MEI4: variants seen among roughly 807,000 people sequenced by gnomAD.
MEI4 encodes the protein meiotic double-stranded break formation protein 4.
A neutral mutation model predicts 31.4 loss-of-function variants in MEI4; 27 were observed. The observed-to-expected ratio is 0.86, with a 90% confidence interval of 0.63 to 1.19. The LOEUF (loss-of-function observed/expected upper bound fraction) is 1.19, where lower values mean the gene tolerates loss of function less well. MEI4 is among the 50% of genes most tolerant of loss of function. The probability of loss-of-function intolerance (pLI) is 0.00; values close to 1 mark genes in which losing one functional copy is unlikely to be tolerated. For missense variants in MEI4, 329 were observed against 398.9 expected, an observed-to-expected ratio of 0.82 and a Z score of 1.49; for synonymous variants, 122 against 145.4, an observed-to-expected ratio of 0.84 and a Z score of 1.16.
chr6:77,749,153 A>C (rs1341965332), intron 2 of MEI4, among the ~76,000 whole-genome samples: 1 of 152,194 alleles, frequency 6.6e-6, no homozygotes, highest in Non-Finnish European at 1.5e-5. Flanking sequence ...TAAATCCATA[A>C]AGATGGGGAG....
intron 2 of MEI4, among the ~76,000 whole-genome samples, chr6:77,741,882 T>G (rs1275525388): frequency 6.6e-6 from 1 of 150,746 alleles, no homozygotes; most frequent in Non-Finnish European, 1.5e-5. Flanking sequence ...TGGTTTTTTG[T>G]CCTTGTGACA....
chr6:77,925,304 G>A lies in MEI4; in HGVS notation c.*1958G>A, dbSNP rs1374560843. ...GGGATCACTGTGAATGCACAAAATG[G>A]AGAAACATTTTATTTCCATTTGGTA... On this transcript the variant is annotated 3_prime_UTR_variant, in exon 5 of 5. Coordinates refer to ENST00000684080, the MANE Select transcript of MEI4 (RefSeq NM_001322247.2). 6.6e-6 allele frequency: 1 copy of A among 151,228 alleles called. No individual in the cohort carries two copies. Among genetic ancestry groups the A allele is most frequent in the Non-Finnish European group, 1.5e-5 (1 of 67,444 alleles). 9.4% of individuals were successfully genotyped at this position (151,228 alleles called of 1,614,324 possible). A position where few individuals can be genotyped will look rare whatever the true frequency, so the allele number is the denominator to read the frequency against.
intron 4 of MEI4, among the ~76,000 whole-genome samples, chr6:77,895,201 A>G (rs1009463451): frequency 2.0e-5 from 3 of 152,138 alleles, no homozygotes; most frequent in Non-Finnish European, 4.4e-5. Flanking sequence ...ATGGATTCCA[A>G]CACACTCTTT....
At chr6:77,857,901 C>T (rs935175628) in intron 4 of MEI4, among the ~76,000 whole-genome samples, 1 of 152,232 alleles carries the variant, frequency 6.6e-6, no homozygotes, top group Non-Finnish European at 1.5e-5. Context: ...GTTCAAGTCA[C>T]TTCTGATCAG....
At chr6:77,661,837 C>T (rs1248921941) in intron 1 of MEI4, among the ~76,000 whole-genome samples, 3 of 151,870 alleles carry the variant, frequency 2.0e-5, no homozygotes, top group Admixed American at 6.6e-5. Flanking sequence ...TGGGAGTGAC[C>T]AAAGTGAAGG....
chr6:77,730,457 T>G (rs549181208), intron 2 of MEI4, among the ~76,000 whole-genome samples: 216 of 152,180 alleles, frequency 1.4e-3, no homozygotes, highest in Middle Eastern at 0.01. Flanking sequence ...ATACTGCAAG[T>G]TTTTGACCCT....
Position 77,775,638 on chromosome 6 carries a change from T to C in MEI4, c.768+13973T>C, listed in dbSNP as rs117460666. On this transcript the variant is annotated intron_variant, in intron 3 of 4. Transcript: ENST00000684080. ...TATTTGCAATTGCAAGTTGTGCTTC[T>C]ATAAACATGCATGTGTAAGTATTTT... Among the ~76,000 whole-genome samples, 1,490 of 152,306 alleles carry C rather than the reference T, an allele frequency of 9.8e-3. 13 individuals are homozygous for C. Among genetic ancestry groups the C allele is most frequent in the Middle Eastern group, 0.037 (11 of 294 alleles).
At chr6:77,844,843 G>A (rs905350105) in intron 4 of MEI4, among the ~76,000 whole-genome samples, 1 of 152,092 alleles carries the variant, frequency 6.6e-6, no homozygotes, top group Non-Finnish European at 1.5e-5. Context: ...GAAAAATGAT[G>A]CAGTAGAGAT....
chr6:77,674,777 T>A (rs1424555101), intron 1 of MEI4, among the ~76,000 whole-genome samples: 1 of 152,202 alleles, frequency 6.6e-6, no homozygotes, highest in African/African-American at 2.4e-5. Flanking sequence ...ACAGAACAAA[T>A]TTCTCCTTTT....
chr6:77,844,547 T>C (rs1357096301), intron 4 of MEI4, among the ~76,000 whole-genome samples: 1 of 152,204 alleles, frequency 6.6e-6, no homozygotes. Context: ...TTCAAAAGTT[T>C]TTATTGCAAA....
chr6:77,899,861 G>T (rs558525147), intron 4 of MEI4, among the ~76,000 whole-genome samples: 119 of 151,918 alleles, frequency 7.8e-4, no homozygotes, highest in African/African-American at 2.8e-3. Context: ...TGTGAATACT[G>T]CCGTAGTAAA....
intron 3 of MEI4, among the ~76,000 whole-genome samples, chr6:77,767,295 G>A (rs368838420): frequency 3.3e-5 from 5 of 151,996 alleles, no homozygotes; most frequent in African/African-American, 9.7e-5. Flanking sequence ...CAGGAGAATC[G>A]CTTGAACCCG....
intron 4 of MEI4, among the ~76,000 whole-genome samples, chr6:77,859,366 C>T (rs1471923024): frequency 1.3e-5 from 2 of 151,874 alleles, no homozygotes; most frequent in Non-Finnish European, 2.9e-5. Context: ...GATTTATATC[C>T]CTTTGAGTAA....
intron 4 of MEI4, among the ~76,000 whole-genome samples, chr6:77,874,787 C>T (rs1466571989): frequency 6.6e-6 from 1 of 152,028 alleles, no homozygotes; most frequent in Non-Finnish European, 1.5e-5. Context: ...CCCATCAGTA[C>T]CTAATTTGTT....
At chr6:77,871,571 G>C (rs1260958109) in intron 4 of MEI4, among the ~76,000 whole-genome samples, 1 of 152,022 alleles carries the variant, frequency 6.6e-6, no homozygotes, top group Non-Finnish European at 1.5e-5. Context: ...GAGGGCAAGG[G>C]CTGAAAAACT....
chr6:77,729,358 G>T (rs1309700324), intron 2 of MEI4, among the ~76,000 whole-genome samples: 1 of 152,202 alleles, frequency 6.6e-6, no homozygotes, highest in East Asian at 1.9e-4. Flanking sequence ...AGGCATAAAT[G>T]GGTTATTAAA....
rs562331007 is a variant in MEI4 at position 77,908,042 on chromosome 6, A to G, written c.901-15047A>G. On this transcript the variant is annotated intron_variant, in intron 4 of 4. Transcript: ENST00000684080. Reference sequence around the variant, plus strand: ...TGTTTGAGTTCATTGTAGATTCTGGATATTAGCCCTTTGTCAGATGAGTAG... The same window carrying G: ...TGTTTGAGTTCATTGTAGATTCTGGGTATTAGCCCTTTGTCAGATGAGTAG... Among the ~76,000 whole-genome samples the G allele has an allele frequency of 6.1e-5, 9 of 146,474 alleles. No individual in the cohort carries two copies. In the South Asian group the frequency reaches 1.9e-3, roughly 31 times the overall value.
chr6:77,740,569 A>G (rs1561967900), intron 2 of MEI4, among the ~76,000 whole-genome samples: 1 of 152,184 alleles, frequency 6.6e-6, no homozygotes, highest in African/African-American at 2.4e-5. Context: ...ATATTTTAAA[A>G]TAGCATTTCC....
chr6:77,676,508 T>A (rs938088676), intron 1 of MEI4, among the ~76,000 whole-genome samples: 4 of 151,928 alleles, frequency 2.6e-5, no homozygotes, highest in African/African-American at 9.7e-5. Flanking sequence ...GCCTGGGCAA[T>A]GGAGCAAGAC....
Sources: allele counts gnomAD v4.1 joint callset (sites outside exome capture counted in the v4.1 genomes callset), GRCh38; gene constraint gnomAD v4.1.1; transcripts MANE v1.5; gene names NCBI Gene and HGNC (gene_info 2026-07-23, HGNC 2026-07-21).